The following SPMIP4 variants were observed in gnomAD, a reference collection of about 807,000 sequenced individuals.
SPMIP4 encodes sperm microtubule inner protein 4.
At chr7:25,168,294 C>T in the SPMIP4 span, 1 of 1,600,880 alleles carries the variant, frequency 6.2e-7, no homozygotes, top group South Asian at 1.1e-5. Flanking sequence ...TTTACCTTGG[C>T]CAGGTTTCTC....
the SPMIP4 span, chr7:25,151,622 AAGT>A: frequency 6.2e-7 from 1 of 1,610,802 alleles, no homozygotes. Flanking sequence ...TGACCTGGCC[AAGT>A]CAGTGCTTTC....
At chr7:25,147,689 G>A in the SPMIP4 span, among the ~76,000 whole-genome samples, 1 of 152,224 alleles carries the variant, frequency 6.6e-6, no homozygotes, top group East Asian at 1.9e-4. Flanking sequence ...TCCTTTCCAA[G>A]GTTACCCATT....
the SPMIP4 span, chr7:25,136,243 A>C: frequency 1.9e-6 from 3 of 1,614,156 alleles, no homozygotes; most frequent in East Asian, 6.7e-5. This position sits in a 1 kb window ranked among gnomAD's most constrained non-coding sequence, Gnocchi z 5.7. Flanking sequence ...AAAATGTTCT[A>C]AAGTGAAAGC....
At chr7:25,142,851 C>A in the SPMIP4 span, 2 of 1,406,742 alleles carry the variant, frequency 1.4e-6, no homozygotes, top group Non-Finnish European at 1.9e-6. Flanking sequence ...CTGTTAATGT[C>A]ATCTAGTAGA....
chr7:25,178,268 T>C, the SPMIP4 span, among the ~76,000 whole-genome samples: 8 of 152,250 alleles, frequency 5.3e-5, no homozygotes, highest in African/African-American at 1.9e-4. Context: ...GTGATGAACA[T>C]ACTTGTGCAT....
the SPMIP4 span, among the ~76,000 whole-genome samples, chr7:25,164,876 T>C: frequency 1.3e-5 from 2 of 152,206 alleles, no homozygotes; most frequent in African/African-American, 4.8e-5. Flanking sequence ...GAACATACAA[T>C]GTCTGATTTT....
At chr7:25,146,243 T>C in the SPMIP4 span, among the ~76,000 whole-genome samples, 2 of 152,120 alleles carry the variant, frequency 1.3e-5, no homozygotes, top group African/African-American at 4.8e-5. Flanking sequence ...GAGAGACGGC[T>C]GAAGGGAGAA....
chr7:25,142,291 C>T, the SPMIP4 span: 2 of 1,613,412 alleles, frequency 1.2e-6, no homozygotes, highest in Non-Finnish European at 1.7e-6. Context: ...ACCATCTTTT[C>T]ATGGTAATCA....
chr7:25,138,481 T>C, the SPMIP4 span, among the ~76,000 whole-genome samples: 1 of 152,226 alleles, frequency 6.6e-6, no homozygotes, highest in Admixed American at 6.5e-5. This position sits in a 1 kb window ranked among gnomAD's most constrained non-coding sequence, Gnocchi z 6.2. Flanking sequence ...TCCTCCTGCC[T>C]TTGCCTCCCA....
the SPMIP4 span, among the ~76,000 whole-genome samples, chr7:25,162,610 GC>G: frequency 1.3e-5 from 2 of 151,976 alleles, no homozygotes; most frequent in African/African-American, 4.8e-5. Context: ...CATTAGATAG[GC>G]AAAAACTATA....
the SPMIP4 span, among the ~76,000 whole-genome samples, chr7:25,129,892 G>C: frequency 2.0e-5 from 3 of 151,996 alleles, no homozygotes; most frequent in African/African-American, 7.2e-5. Flanking sequence ...AGAAGGATGG[G>C]AGATAATTTT....
chr7:25,151,064 C>A, the SPMIP4 span, among the ~76,000 whole-genome samples: 1 of 152,104 alleles, frequency 6.6e-6, no homozygotes, highest in Admixed American at 6.5e-5. Flanking sequence ...ATGCAGCCCT[C>A]CTCCACCATC....
chr7:25,154,157 C>T, the SPMIP4 span, among the ~76,000 whole-genome samples: 2 of 152,172 alleles, frequency 1.3e-5, no homozygotes, highest in African/African-American at 4.8e-5. Context: ...GCTTTCAAAA[C>T]GTTACTGTCT....
the SPMIP4 span, among the ~76,000 whole-genome samples, chr7:25,148,771 T>C: frequency 6.6e-6 from 1 of 152,214 alleles, no homozygotes; most frequent in Admixed American, 6.5e-5. Context: ...CGTGAGCCAC[T>C]GCATCTGGCC....
the SPMIP4 span, chr7:25,135,154 G>A: frequency 2.7e-6 from 1 of 366,402 alleles, no homozygotes; most frequent in Non-Finnish European, 3.8e-6. Context: ...AACTCTTAGA[G>A]AACACACTCC....
chr7:25,126,655 T>C, the SPMIP4 span, among the ~76,000 whole-genome samples: 1 of 152,220 alleles, frequency 6.6e-6, no homozygotes, highest in African/African-American at 2.4e-5. Context: ...AAAGTTGTTA[T>C]AGCTATTATT....
At chr7:25,142,348 A>T in the SPMIP4 span, 1 of 1,535,786 alleles carries the variant, frequency 6.5e-7, no homozygotes, top group Non-Finnish European at 8.9e-7. Context: ...TGGAAACATC[A>T]CCTTATTATT....
At chr7:25,173,636 C>T in the SPMIP4 span, among the ~76,000 whole-genome samples, 4 of 152,160 alleles carry the variant, frequency 2.6e-5, no homozygotes, top group Non-Finnish European at 5.9e-5. The surrounding 1 kb of genome is among the most constrained non-coding windows in gnomAD (Gnocchi z 4.4). Context: ...AGCTGTCTGA[C>T]AACGATCAAC....
At chr7:25,156,298 A>G in the SPMIP4 span, among the ~76,000 whole-genome samples, 1 of 152,112 alleles carries the variant, frequency 6.6e-6, no homozygotes, top group African/African-American at 2.4e-5. Context: ...AGAAGGAACC[A>G]ACCCTGCTGA....
Sources: allele counts gnomAD v4.1 joint callset (sites outside exome capture counted in the v4.1 genomes callset), GRCh38; gene constraint gnomAD v4.1.1; non-coding constraint Gnocchi (gnomAD v3.1); transcripts MANE v1.5; gene names NCBI Gene and HGNC (gene_info 2026-07-23, HGNC 2026-07-21).